The following RIC1 variants were observed in gnomAD, a reference collection of about 807,000 sequenced individuals.
The protein encoded by RIC1 is RIC1 partner of RAB6A GEF complex.
RIC1 carries 88 observed loss-of-function variants against 169.0 expected under a neutral mutation model. The ratio of observed to expected loss-of-function variants is 0.52; its 90% CI spans 0.44 to 0.62. The LOEUF is 0.62. Among genes scored for constraint, RIC1 ranks in the 20% least tolerant of loss-of-function variants. The pLI, the probability that RIC1 is intolerant of heterozygous loss-of-function variation, is 0.00. For missense variants in RIC1, 1,877 were observed against 1,725.5 expected (o/e 1.09, Z -1.56); for synonymous variants, 790 against 601.5 (o/e 1.31, Z -4.59).
At chr9:5,716,464 T>C (rs753979588) in intron 4 of RIC1, among the ~76,000 whole-genome samples, 1 of 151,994 alleles carries the variant, frequency 6.6e-6, no homozygotes, top group Non-Finnish European at 1.5e-5. Context: ...AATATAAAAA[T>C]TAGCTGGGTG....
intron 3 of RIC1, among the ~76,000 whole-genome samples, chr9:5,706,642 A>G (rs760473910): frequency 6.6e-6 from 1 of 152,038 alleles, no homozygotes; most frequent in Non-Finnish European, 1.5e-5. Context: ...TTATAGGTCT[A>G]TTCATATGTT....
chr9:5,652,996 T>C (rs75928136), intron 1 of RIC1, among the ~76,000 whole-genome samples: 5,514 of 152,318 alleles, frequency 0.036, 145 homozygotes, highest in South Asian at 0.072. Flanking sequence ...TAATGTAATA[T>C]ATCACATTTA....
chr9:5,761,106 T>A (rs1316931323), intron 17 of RIC1, among the ~76,000 whole-genome samples: 2 of 84,032 alleles, frequency 2.4e-5, no homozygotes, highest in Non-Finnish European at 5.4e-5. Flanking sequence ...AGCCTCACCT[T>A]TTTTTTTTTT....
rs190486687 is a variant in RIC1 at position 5,692,520 on chromosome 9, C to G, written c.332+2482C>G. On this transcript the variant is annotated intron_variant, in intron 3 of 25. Transcript: ENST00000414202. ...TGATATTTTACTTCTTTGCCAGAGTCTAACTTCTAGTAACTGCTACCTAAA... is the reference window on the plus strand; with the variant it reads ...TGATATTTTACTTCTTTGCCAGAGTGTAACTTCTAGTAACTGCTACCTAAA... Among the ~76,000 whole-genome samples the G allele has an allele frequency of 1.4e-3, 206 of 152,086 alleles. No homozygotes were observed. The Middle Eastern group carries it at 0.014, about 10-fold the overall frequency.
chr9:5,740,674 T>C (rs930049794), intron 8 of RIC1, among the ~76,000 whole-genome samples: 4 of 151,388 alleles, frequency 2.6e-5, no homozygotes, highest in Non-Finnish European at 5.9e-5. Context: ...TTTTCACATT[T>C]TTCTGCCTGC....
At chr9:5,666,993 C>T (rs1324738524) in intron 2 of RIC1, among the ~76,000 whole-genome samples, 2 of 152,034 alleles carry the variant, frequency 1.3e-5, no homozygotes, top group Non-Finnish European at 2.9e-5. Flanking sequence ...TTTTTCTTAA[C>T]TTACCTAGAG....
At chr9:5,635,195 G>T (rs969728567) in intron 1 of RIC1, among the ~76,000 whole-genome samples, 6 of 152,118 alleles carry the variant, frequency 3.9e-5, no homozygotes, top group Admixed American at 2.6e-4. Context: ...GCCCAGGCCG[G>T]TCTCAGACTC....
At position 5,748,805 on chromosome 9, in the gene RIC1, A is replaced by T. The variant is rs143279218; in HGVS notation, c.1452+1300A>T. The T allele has an allele frequency of 2.6e-5, 4 of 152,650 alleles. No homozygotes were observed. In the East Asian group the frequency reaches 5.8e-4, roughly 22 times the overall value. 9.5% of individuals were successfully genotyped at this position (152,650 alleles called of 1,614,324 possible). On this transcript the variant is annotated intron_variant, in intron 12 of 25. Transcript: ENST00000414202. ...CTCAGTGATTCTGTGATTCTTAAGC[A>T]TCTATGAAGTACCCCATATAAGAGA... is the stretch of plus-strand genomic sequence containing the variant.
chr9:5,713,126 A>G (rs1586998607), intron 3 of RIC1: 1 of 152,208 alleles, frequency 6.6e-6, no homozygotes, highest in Non-Finnish European at 1.5e-5. Flanking sequence ...TTGACTGGAA[A>G]GGGAGAGATG....
chr9:5,762,110 C>G (rs1251267307), intron 17 of RIC1, among the ~76,000 whole-genome samples: 1 of 152,188 alleles, frequency 6.6e-6, no homozygotes, highest in Non-Finnish European at 1.5e-5. Context: ...TTCTCACTTT[C>G]CCAATAGTTC....
intron 6 of RIC1, among the ~76,000 whole-genome samples, chr9:5,729,268 C>T (rs1448724087): frequency 6.6e-6 from 1 of 152,058 alleles, no homozygotes; most frequent in Admixed American, 6.6e-5. Flanking sequence ...AGAAAAATAT[C>T]CAGTTTTCCG....
intron 6 of RIC1, among the ~76,000 whole-genome samples, chr9:5,722,429 A>G (rs1823664494): frequency 6.6e-6 from 1 of 151,524 alleles, no homozygotes; most frequent in African/African-American, 2.4e-5. Context: ...TCACACGTCC[A>G]CATGCATGTT....
In RIC1 at chr9:5,758,489, T is replaced by A. The variant is rs137903748; in HGVS notation, c.1992+1038T>A. 7.0e-3 allele frequency among the ~76,000 whole-genome samples: 1,067 copies of A among 152,302 alleles called. 11 individuals are homozygous for A. The highest frequency in any genetic ancestry group is 0.025 in the African/African-American group (1,029 of 41,556). ...TAATATTACTTATATGAATCTAAAA[T>A]CAATTTTGTTACCTTCTATCCCAGT... is the stretch of plus-strand genomic sequence containing the variant. On this transcript the variant is annotated intron_variant, in intron 17 of 25. Coordinates refer to ENST00000414202, the MANE Select transcript of RIC1 (RefSeq NM_020829.4).
At chr9:5,773,853 A>G (rs540190098) in intron 25 of RIC1, 105 bp from the exon 26 acceptor site, 106 of 1,079,080 alleles carry the variant, frequency 9.8e-5, no homozygotes, top group South Asian at 1.8e-4. Flanking sequence ...CTCCTAATCT[A>G]TCGTCGTCTT....
chr9:5,710,814 A>G (rs896990740), intron 3 of RIC1, among the ~76,000 whole-genome samples: 2 of 152,184 alleles, frequency 1.3e-5, no homozygotes, highest in African/African-American at 2.4e-5. Flanking sequence ...GAAAAGTACA[A>G]TAGTAGAAAT....
intron 2 of RIC1, among the ~76,000 whole-genome samples, chr9:5,671,394 C>G (rs1291436586): frequency 1.8e-4 from 27 of 151,972 alleles, no homozygotes; most frequent in African/African-American, 6.3e-4. Context: ...CCCTGCCTTA[C>G]CCTCCCAAGT....
intron 1 of RIC1, among the ~76,000 whole-genome samples, chr9:5,641,855 A>T (rs549992855): frequency 6.9e-6 from 1 of 144,364 alleles, no homozygotes; most frequent in South Asian, 2.1e-4. Context: ...ACTTTCCTCA[A>T]CATAGCTATT....
At chr9:5,760,172 T>C (rs1421124702) in intron 17 of RIC1, among the ~76,000 whole-genome samples, 1 of 152,018 alleles carries the variant, frequency 6.6e-6, no homozygotes, top group African/African-American at 2.4e-5. Context: ...TCCATGAGAG[T>C]GAGCTCCTTG....
At chr9:5,748,686 G>GGATCAA (rs1825535818) in intron 12 of RIC1, 1 of 152,560 alleles carries the variant, frequency 6.6e-6, no homozygotes, top group Admixed American at 6.5e-5. Flanking sequence ...TGTTACCAGA[G>GGATCAA]AGCCAAGTAG....
Sources: allele counts gnomAD v4.1 joint callset (sites outside exome capture counted in the v4.1 genomes callset), GRCh38; gene constraint gnomAD v4.1.1; transcripts MANE v1.5; gene names NCBI Gene and HGNC (gene_info 2026-07-23, HGNC 2026-07-21).